CCDC88C: variants seen among roughly 807,000 people sequenced by gnomAD.
CCDC88C encodes protein Daple.
CCDC88C carries 131 observed loss-of-function variants against 198.8 expected under a neutral mutation model. The ratio of observed to expected loss-of-function variants is 0.66; its 90% CI spans 0.57 to 0.76. The LOEUF (loss-of-function observed/expected upper bound fraction) is 0.76, where lower values mean the gene tolerates loss of function less well. Ranked by LOEUF, CCDC88C falls within the 30% of genes least tolerant of loss-of-function variation. CCDC88C has a pLI of 0.00. For missense variants in CCDC88C, 2,553 were observed against 2,631.6 expected (o/e 0.97, Z 0.65); for synonymous variants, 1,166 against 1,114.7 (o/e 1.05, Z -0.92).
intron 3 of CCDC88C, among the ~76,000 whole-genome samples, chr14:91,366,153 TACACAC>T (rs57281083): frequency 0.12 from 16,056 of 136,302 alleles, 1,202 homozygotes; most frequent in African/African-American, 0.22. Context: ...ACTTAAAAAA[TACACAC>T]ACACACACAC....
chr14:91,394,457 G>A (rs1201579011), intron 3 of CCDC88C, among the ~76,000 whole-genome samples: 4 of 152,188 alleles, frequency 2.6e-5, no homozygotes, highest in Admixed American at 6.5e-5. Flanking sequence ...GCAGCAGGTC[G>A]GGGGCACTTT....
Position 91,272,402 on chromosome 14 carries a change from C to T in CCDC88C, c.*223G>A. On this transcript the variant is annotated 3_prime_UTR_variant, in exon 30 of 30. Coordinates refer to ENST00000389857, the MANE Select transcript of CCDC88C (RefSeq NM_001080414.4). ...TTATTTGTTCCAAAGATATCAGCTG[C>T]TGGAAGCGGCAGACACAGAAAACAC... 1.8e-6 allele frequency: 1 copy of T among 554,374 alleles called. No individual in the cohort carries two copies. The highest frequency in any genetic ancestry group is 1.9e-5 in the African/African-American group (1 of 51,784). The allele number at this position is 554,374 out of a possible 1,614,324, so 34.3% of individuals were successfully genotyped here.
chr14:91,330,034 C>G (rs1436344837), intron 10 of CCDC88C, among the ~76,000 whole-genome samples: 1 of 152,264 alleles, frequency 6.6e-6, no homozygotes, highest in Non-Finnish European at 1.5e-5. Flanking sequence ...TAAAAACTCA[C>G]AGGGGCCGGG....
At chr14:91,334,845 T>C (rs1892983700) in intron 10 of CCDC88C, among the ~76,000 whole-genome samples, 1 of 152,146 alleles carries the variant, frequency 6.6e-6, no homozygotes, top group South Asian at 2.1e-4. Context: ...AGGGCTCAGA[T>C]GGTACCTGGC....
intron 3 of CCDC88C, among the ~76,000 whole-genome samples, chr14:91,391,995 C>T (rs991963328): frequency 1.3e-5 from 2 of 152,022 alleles, no homozygotes; most frequent in African/African-American, 2.4e-5. Flanking sequence ...TAAACTCTTT[C>T]CAACTAAATC....
At chr14:91,294,023 A>G in intron 23 of CCDC88C, 150 bp downstream of exon 23, 2 of 790,322 alleles carry the variant, frequency 2.5e-6, no homozygotes, top group South Asian at 3.8e-5. Context: ...AACTAAGGGC[A>G]GTCCGTGCTG....
chr14:91,340,899 G>C (rs1252763704), intron 6 of CCDC88C, among the ~76,000 whole-genome samples: 1 of 152,168 alleles, frequency 6.6e-6, no homozygotes, highest in Non-Finnish European at 1.5e-5. Flanking sequence ...CTACTTGGGA[G>C]GCTGGGGCAG....
chr14:91,376,748 G>C (rs1884446760), intron 3 of CCDC88C, among the ~76,000 whole-genome samples: 1 of 152,170 alleles, frequency 6.6e-6, no homozygotes, highest in Admixed American at 6.5e-5. Flanking sequence ...CGCACCCCCA[G>C]GTAAGCCCAG....
intron 3 of CCDC88C, among the ~76,000 whole-genome samples, chr14:91,365,020 C>T (rs769861437): frequency 1.3e-5 from 2 of 152,176 alleles, no homozygotes; most frequent in African/African-American, 4.8e-5. Flanking sequence ...TAGGGAGTGA[C>T]GCCCATGCTG....
intron 21 of CCDC88C, 134 bp downstream of exon 21, chr14:91,299,793 C>A: frequency 8.2e-7 from 1 of 1,222,984 alleles, no homozygotes. Flanking sequence ...TTTTACCCAC[C>A]CAGCTGTTCA....
chr14:91,344,677 A>G lies in CCDC88C; in HGVS notation c.341-1020T>C, dbSNP rs565071301. Among the ~76,000 whole-genome samples the G allele has an allele frequency of 2.7e-4, 41 of 151,068 alleles. 1 individual carries two copies. In the South Asian group the frequency reaches 7.8e-3, roughly 29 times the overall value. On this transcript the variant is annotated intron_variant, in intron 4 of 29. Transcript: ENST00000389857. The stretch of plus-strand genomic sequence containing the variant: ...CAGGCGGCCACCACCGCGCCCAGCT[A>G]ATTTTTTGTATTTTTAGTAGAGATG...
intron 5 of CCDC88C, 73 bp from the exon 6 acceptor site, chr14:91,342,536 A>T: frequency 1.0e-6 from 1 of 978,694 alleles, no homozygotes; most frequent in Non-Finnish European, 1.6e-6. Context: ...ACAGCCACAG[A>T]ATGACAGTTT....
chr14:91,300,159 G>A (rs1224569976), intron 20 of CCDC88C, 89 bp from the exon 21 acceptor site: 12 of 1,505,594 alleles, frequency 8.0e-6, no homozygotes, highest in East Asian at 4.9e-5. Flanking sequence ...CGTGCCTCCC[G>A]TGAGAAAATG....
At chr14:91,285,371 G>C (rs952109425) in intron 25 of CCDC88C, 2 of 450,048 alleles carry the variant, frequency 4.4e-6, no homozygotes, top group African/African-American at 2.0e-5. Context: ...AGAGACGGGA[G>C]GGGGGCACGG....
At chr14:91,350,212 G>A (rs2139884112) in intron 4 of CCDC88C, among the ~76,000 whole-genome samples, 1 of 151,726 alleles carries the variant, frequency 6.6e-6, no homozygotes, top group South Asian at 2.1e-4. Context: ...CCAGGTTGGA[G>A]TGCAGTGGCA....
chr14:91,371,916 C>T lies in CCDC88C; in HGVS notation c.271-12205G>A, dbSNP rs992255158. On this transcript the variant is annotated intron_variant, in intron 3 of 29. Coordinates refer to ENST00000389857, the MANE Select transcript of CCDC88C (RefSeq NM_001080414.4). This position sits in a 1 kb window ranked among gnomAD's most constrained non-coding sequence, Gnocchi z 4.2. ...AGGAGCCTCCAGCGGTAGATGGCAG[C>T]CCAGACCACCCCAGCCTGCTGGGAC... Among the ~76,000 whole-genome samples, 2 of 152,162 alleles carry T rather than the reference C, an allele frequency of 1.3e-5. No individual in the cohort carries two copies. Among genetic ancestry groups the T allele is most frequent in the African/African-American group, 4.8e-5 (2 of 41,438 alleles).
In CCDC88C at chr14:91,272,599, G is replaced by C; in HGVS notation, c.*26C>G. 1 of 1,585,196 alleles carries C rather than the reference G, an allele frequency of 6.3e-7. No homozygotes were observed. The highest frequency in any genetic ancestry group is 8.6e-7 in the Non-Finnish European group (1 of 1,166,942). Reference sequence around the variant, plus strand: ...TCGGAAGGCGCGTCAGTAGTTTTCAGGTTTGCGAGCTCAACCACGAGACAG... The same window carrying C: ...TCGGAAGGCGCGTCAGTAGTTTTCACGTTTGCGAGCTCAACCACGAGACAG... On this transcript the variant is annotated 3_prime_UTR_variant, in exon 30 of 30. Coordinates refer to ENST00000389857, the MANE Select transcript of CCDC88C (RefSeq NM_001080414.4).
rs763296075 is a variant in CCDC88C, at chr14:91,283,415, A to G, written c.4544T>C (p.Leu1515Pro). The change falls in exon 26 of 30, where the codon CTG becomes CCG. Residue 1515 changes from leucine (L) to proline (P), a missense_variant. Transcript: ENST00000389857. ...DLAMRSWPSE[L>P]GSRTCSTSAT... ...TGAAGTTGAGCAAGTCCGGGAGCCC[A>G]GCTCCGAGGGCCAGGACCTCATGGC... 49 of 1,613,608 alleles carry G rather than the reference A, an allele frequency of 3.0e-5. No homozygotes were observed. Among genetic ancestry groups the G allele is most frequent in the Non-Finnish European group, 3.8e-5 (45 of 1,179,822 alleles).
At chr14:91,409,091 C>T (rs750909458) in intron 2 of CCDC88C, among the ~76,000 whole-genome samples, 33 of 152,052 alleles carry the variant, frequency 2.2e-4, no homozygotes, top group Admixed American at 3.9e-4. Context: ...TGTATAAAAC[C>T]AACCCAGCCA....
Sources: gnomAD v4.1 joint callset for allele counts (sites outside exome capture counted in the v4.1 genomes callset) on GRCh38, gnomAD v4.1.1 for gene constraint, Gnocchi (gnomAD v3.1) non-coding constraint, MANE v1.5 for transcripts, NCBI Gene and HGNC (gene_info 2026-07-23, HGNC 2026-07-21) for gene names.